Variants in SV2B observed in about 807,000 individuals in gnomAD.
The protein encoded by SV2B is solute carrier family 22 member B2.
In SV2B, 41 loss-of-function variants were observed where a neutral mutation model predicts 73.9. The observed-to-expected ratio is 0.56, with a 90% CI of 0.43 to 0.72. The LOEUF (loss-of-function observed/expected upper bound fraction) is 0.72, where lower values mean the gene tolerates loss of function less well. Ranked by LOEUF, SV2B falls within the 30% of genes least tolerant of loss-of-function variation. SV2B has a pLI of 0.00. For synonymous variants in SV2B, 314 were observed against 314.2 expected, an observed-to-expected ratio of 1.00 and a Z score of 0.01; for missense variants, 764 against 857.8, an observed-to-expected ratio of 0.89 and a Z score of 1.37.
rs2042149530 is a variant in SV2B at position 91,115,374 on chromosome 15, C to T, written c.-392+15011C>T. 6.6e-6 allele frequency among the ~76,000 whole-genome samples: 1 copy of T among 151,932 alleles called. No individual in the cohort carries two copies. On this transcript the variant is annotated intron_variant, in intron 1 of 12. Coordinates refer to ENST00000394232, the MANE Select transcript of SV2B (RefSeq NM_001323032.3). The surrounding 1 kb of genome is among the most constrained non-coding windows in gnomAD (Gnocchi z 4.3). ...GAAAGTGGGCTATTTCTCCATCTCC[C>T]CTTCCTTTTTTTTTTGAAACAGAGT...
chr15:91,212,025 A>T (rs1399391408), intron 1 of SV2B, among the ~76,000 whole-genome samples: 1 of 152,200 alleles, frequency 6.6e-6, no homozygotes, highest in African/African-American at 2.4e-5. Flanking sequence ...GCATGTTGAA[A>T]TGCCCACCAG....
At position 91,245,461 on chromosome 15, in the gene SV2B, C is replaced by T. The variant is rs1047383965; in HGVS notation, c.452-6358C>T. Among the ~76,000 whole-genome samples the T allele has an allele frequency of 2.6e-5, 4 of 152,164 alleles. No individual in the cohort carries two copies. Among genetic ancestry groups the T allele is most frequent in the Non-Finnish European group, 1.5e-5 (1 of 68,044 alleles). On this transcript the variant is annotated intron_variant, in intron 2 of 12. Transcript: ENST00000394232. This position sits in a 1 kb window ranked among gnomAD's most constrained non-coding sequence, Gnocchi z 4.2. ...ATACAAAAATAAAGCCTGCTGACAA[C>T]AGCTGTCTCTGAGTGGTGGTATGAT...
intron 1 of SV2B, among the ~76,000 whole-genome samples, chr15:91,192,796 CT>C (rs1195123094): frequency 6.6e-6 from 1 of 152,180 alleles, no homozygotes; most frequent in Non-Finnish European, 1.5e-5. Context: ...TCAGTAACTT[CT>C]TTTTACGATG....
rs1028340609 is a variant in SV2B at position 91,122,104 on chromosome 15, T to C, written c.-392+21741T>C. On this transcript the variant is annotated intron_variant, in intron 1 of 12. Transcript: ENST00000394232. The surrounding 1 kb of genome is among the most constrained non-coding windows in gnomAD (Gnocchi z 4.3). Reference sequence around the variant, plus strand: ...GTGTTTTAAAAGTAATGCTTGCCTGTTGACTCCAGGAGTCTGACGCCAAAG... The same window carrying C: ...GTGTTTTAAAAGTAATGCTTGCCTGCTGACTCCAGGAGTCTGACGCCAAAG... 6.6e-6 allele frequency among the ~76,000 whole-genome samples: 1 copy of C among 152,236 alleles called. No individual in the cohort carries two copies. The highest frequency in any genetic ancestry group is 2.4e-5 in the African/African-American group (1 of 41,464).
rs1319975387 is a variant in SV2B, at chr15:91,284,149, A to G, written c.1636A>G (p.Ser546Gly). ...FLIYLVSFLG[S>G]LSVLPGNIIS... ...GATTTACCTCGTCAGCTTCCTGGGC[A>G]GCCTGTCTGTCTTACCCGGGAACAT... is the stretch of plus-strand genomic sequence containing the variant. The change falls in exon 11 of 13, where the codon AGC becomes GGC. Residue 546 changes from serine (S) to glycine (G), a missense_variant. Coordinates refer to ENST00000394232, the MANE Select transcript of SV2B (RefSeq NM_001323032.3). This position sits in a 1 kb window ranked among gnomAD's most constrained non-coding sequence, Gnocchi z 4.5. The G allele has an allele frequency of 1.9e-6, 3 of 1,614,218 alleles. No individual in the cohort carries two copies. Among genetic ancestry groups the G allele is most frequent in the Non-Finnish European group, 2.5e-6 (3 of 1,180,042 alleles).
rs2042962932 is a variant in SV2B, at chr15:91,140,353, A to T, written c.-392+39990A>T. Among the ~76,000 whole-genome samples, 1 of 152,260 alleles carries T rather than the reference A, an allele frequency of 6.6e-6. No homozygotes were observed. The highest frequency in any genetic ancestry group is 1.5e-5 in the Non-Finnish European group (1 of 68,052). ...ATTATCCATTAAGAAGGATTTTAAA[A>T]TAATAAAAATGCCTTTCAGCATTTT... is the stretch of plus-strand genomic sequence containing the variant. On this transcript the variant is annotated intron_variant, in intron 1 of 12. Transcript: ENST00000394232. The surrounding 1 kb of genome is among the most constrained non-coding windows in gnomAD (Gnocchi z 4.4).
chr15:91,255,020 C>T (rs565291818), intron 4 of SV2B, among the ~76,000 whole-genome samples: 1 of 152,330 alleles, frequency 6.6e-6, no homozygotes, highest in African/African-American at 2.4e-5. Context: ...CCACTTCCTT[C>T]CCCATCCCTG....
At chr15:91,116,877 A>G (rs909616621) in intron 1 of SV2B, among the ~76,000 whole-genome samples, 1 of 152,236 alleles carries the variant, frequency 6.6e-6, no homozygotes, top group Non-Finnish European at 1.5e-5. Flanking sequence ...GCGGCAGGCA[A>G]GAGACCATGT....
chr15:91,196,604 C>T (rs895258176), intron 1 of SV2B, among the ~76,000 whole-genome samples: 3 of 152,036 alleles, frequency 2.0e-5, no homozygotes, highest in Admixed American at 6.6e-5. Context: ...TTAGGAAATC[C>T]GACCTTGATT....
rs528534820 is a variant in SV2B, at chr15:91,253,413, T to C, written c.784+893T>C. Among the ~76,000 whole-genome samples the C allele has an allele frequency of 3.3e-5, 5 of 152,346 alleles. No homozygotes were observed. Among genetic ancestry groups the C allele is most frequent in the African/African-American group, 1.2e-4 (5 of 41,578 alleles). On this transcript the variant is annotated intron_variant, in intron 4 of 12. Coordinates refer to ENST00000394232, the MANE Select transcript of SV2B (RefSeq NM_001323032.3). This position sits in a 1 kb window ranked among gnomAD's most constrained non-coding sequence, Gnocchi z 5.0. ...ATATGACCCTCTCTGCTGTGCTTTC[T>C]CAGCTAATGGAGGCTGCATGTATAT...
rs1353617098 is a variant in SV2B at position 91,100,749 on chromosome 15, ATTG to A, written c.-392+393_-392+395del. Among the ~76,000 whole-genome samples the A allele has an allele frequency of 2.6e-5, 4 of 152,082 alleles. No individual in the cohort carries two copies. The highest frequency in any genetic ancestry group is 9.7e-5 in the African/African-American group (4 of 41,404). On this transcript the variant is annotated intron_variant, in intron 1 of 12. Transcript: ENST00000394232. This position sits in a 1 kb window ranked among gnomAD's most constrained non-coding sequence, Gnocchi z 6.4. Reference sequence around the variant, plus strand: ...TACATTCTAGTAGATAGATTTTGTTATTGTTGTTGGCTTGTTCTTAAAGAACAG... The same window carrying A: ...TACATTCTAGTAGATAGATTTTGTTATTGTTGGCTTGTTCTTAAAGAACAG...
intron 1 of SV2B, among the ~76,000 whole-genome samples, chr15:91,134,867 C>A (rs1047525619): frequency 6.6e-6 from 1 of 152,156 alleles, no homozygotes; most frequent in Admixed American, 6.5e-5. Context: ...TGAGTCCCAC[C>A]TATTTTCTCA....
intron 1 of SV2B, among the ~76,000 whole-genome samples, chr15:91,127,512 A>G (rs1214343226): frequency 6.6e-6 from 1 of 152,128 alleles, no homozygotes; most frequent in East Asian, 1.9e-4. Flanking sequence ...AGGAAGGCTC[A>G]GTAGGGGTTT....
chr15:91,125,766 C>A (rs563262181), intron 1 of SV2B, among the ~76,000 whole-genome samples: 15 of 59,878 alleles, frequency 2.5e-4, no homozygotes, highest in African/African-American at 6.3e-4. Context: ...CAAAGTGAGA[C>A]CCTGTCTCAA....
chr15:91,131,734 A>C (rs1473136280), intron 1 of SV2B, among the ~76,000 whole-genome samples: 1 of 152,164 alleles, frequency 6.6e-6, no homozygotes. Context: ...AGGCCGAGGC[A>C]GGCGGATCAC....
chr15:91,118,672 G>A lies in SV2B; in HGVS notation c.-392+18309G>A, dbSNP rs1210417379. 6.6e-6 allele frequency among the ~76,000 whole-genome samples: 1 copy of A among 152,150 alleles called. No homozygotes were observed. The highest frequency in any genetic ancestry group is 2.4e-5 in the African/African-American group (1 of 41,430). On this transcript the variant is annotated intron_variant, in intron 1 of 12. Transcript: ENST00000394232. This position sits in a 1 kb window ranked among gnomAD's most constrained non-coding sequence, Gnocchi z 4.7. ...TGCCCAAGAGGGCCGAGGTGAGGCT[G>A]AACACTGTCTCAAGAAAACTTTATA...
At chr15:91,218,909 C>T (rs1854531020) in intron 1 of SV2B, among the ~76,000 whole-genome samples, 1 of 152,096 alleles carries the variant, frequency 6.6e-6, no homozygotes, top group Admixed American at 6.6e-5. Flanking sequence ...TTATTGTTCA[C>T]AGCAGAGTTG....
At chr15:91,177,324 G>A (rs1487505828) in intron 1 of SV2B, among the ~76,000 whole-genome samples, 6 of 151,760 alleles carry the variant, frequency 4.0e-5, no homozygotes, top group South Asian at 2.1e-4. Context: ...GTCAGGGAGC[G>A]TGATGCCTCC....
chr15:91,212,184 T>C (rs1340657132), intron 1 of SV2B, among the ~76,000 whole-genome samples: 1 of 152,226 alleles, frequency 6.6e-6, no homozygotes, highest in Non-Finnish European at 1.5e-5. Flanking sequence ...TCAATAGCTC[T>C]GACTTTTCTT....
Sources: allele counts gnomAD v4.1 joint callset (sites outside exome capture counted in the v4.1 genomes callset), GRCh38; gene constraint gnomAD v4.1.1; non-coding constraint Gnocchi (gnomAD v3.1); transcripts MANE v1.5; gene names NCBI Gene and HGNC (gene_info 2026-07-23, HGNC 2026-07-21).